TNNI3K: variants seen among roughly 807,000 people sequenced by gnomAD.
The protein encoded by TNNI3K is serine/threonine-protein kinase TNNI3K.
TNNI3K carries 140 observed loss-of-function variants against 114.5 expected under a neutral mutation model. The observed-to-expected ratio is 1.22, with a 90% confidence interval of 1.07 to 1.41. The LOEUF (loss-of-function observed/expected upper bound fraction) is 1.41. TNNI3K is among the 40% of genes most tolerant of loss of function. The pLI is 0.00. For synonymous variants in TNNI3K, 347 were observed against 347.5 expected (o/e 1.00, Z 0.02); for missense variants, 1,125 against 1,007.6 (o/e 1.12, Z -1.58).
chr1:74,249,356 A>C (rs1344117813), intron 2 of TNNI3K, 103 bp from the exon 3 acceptor site: 1 of 1,165,670 alleles, frequency 8.6e-7, no homozygotes, highest in Non-Finnish European at 1.2e-6. Flanking sequence ...GAAAAAATAC[A>C]TTTCTGAATT....
intron 22 of TNNI3K, among the ~76,000 whole-genome samples, chr1:74,491,441 T>A (rs1286770358): frequency 6.6e-6 from 1 of 152,054 alleles, no homozygotes. Context: ...ATGGTGTCGA[T>A]CTGTTGACCA....
chr1:74,488,007 A>G (rs1034167539), intron 21 of TNNI3K, among the ~76,000 whole-genome samples: 2 of 152,214 alleles, frequency 1.3e-5, no homozygotes, highest in Admixed American at 6.5e-5. Flanking sequence ...TTGGAGGACA[A>G]GCTCATTGGA....
At chr1:74,428,590 A>T (rs1164930724) in intron 17 of TNNI3K, among the ~76,000 whole-genome samples, 1 of 152,010 alleles carries the variant, frequency 6.6e-6, no homozygotes, top group East Asian at 1.9e-4. Context: ...ACATGGTAGG[A>T]GTCTGAAGTA....
chr1:74,329,288 AC>A (rs1221485240), intron 5 of TNNI3K, among the ~76,000 whole-genome samples: 1 of 152,026 alleles, frequency 6.6e-6, no homozygotes, highest in Non-Finnish European at 1.5e-5. Flanking sequence ...CCACTGATAC[AC>A]TTGTTTCTGG....
intron 22 of TNNI3K, among the ~76,000 whole-genome samples, 153 bp downstream of exon 22, chr1:74,489,401 A>G (rs1668932581): frequency 6.6e-6 from 1 of 152,184 alleles, no homozygotes; most frequent in African/African-American, 2.4e-5. Flanking sequence ...CCTATGGTGG[A>G]GCAGAATTAG....
chr1:74,451,294 T>C (rs1420988777), intron 20 of TNNI3K, among the ~76,000 whole-genome samples: 1 of 152,098 alleles, frequency 6.6e-6, no homozygotes, highest in Non-Finnish European at 1.5e-5. Context: ...TAATGCATAC[T>C]GTGCTTAATA....
chr1:74,249,547 G>C lies in TNNI3K; in HGVS notation c.235+3G>C. The stretch of plus-strand genomic sequence containing the variant: ...TCATTTATGTTGCATTTGTGGAGGT[G>C]AGTACTTGAAACTTAGTACTTCTTA... On this transcript the variant is annotated splice_donor_region_variant and intron_variant, in intron 3 of 24. Transcript: ENST00000326637. 6.2e-7 allele frequency: 1 copy of C among 1,613,168 alleles called. No individual in the cohort carries two copies. Among genetic ancestry groups the C allele is most frequent in the East Asian group, 2.2e-5 (1 of 44,790 alleles).
At chr1:74,475,116 C>CA (rs1668125578) in intron 21 of TNNI3K, among the ~76,000 whole-genome samples, 51 of 135,994 alleles carry the variant, frequency 3.8e-4, no homozygotes, top group Non-Finnish European at 6.5e-4. Context: ...CCACCTCAGC[C>CA]CACACACACA....
At position 74,539,829 on chromosome 1, in the gene TNNI3K, TATA is replaced by T. The variant is rs202232464; in HGVS notation, c.2352-395_2352-393del. ...CTATATCTTATTATCATAAAAATAA[TATA>T]ATAATAATACTTCTTGGGATGTGTT... On this transcript the variant is annotated intron_variant, in intron 23 of 24. Transcript: ENST00000326637. Among the ~76,000 whole-genome samples, 1,354 of 152,072 alleles carry T rather than the reference TATA, an allele frequency of 8.9e-3. 20 individuals carry two copies. Among genetic ancestry groups the T allele is most frequent in the African/African-American group, 0.029 (1,199 of 41,518 alleles).
chr1:74,509,747 C>CTTTTTTTT (rs68193106), intron 23 of TNNI3K, among the ~76,000 whole-genome samples: 2 of 47,810 alleles, frequency 4.2e-5, no homozygotes, highest in African/African-American at 8.5e-5. Flanking sequence ...ATCTGAATTT[C>CTTTTTTTT]TTTTTTTTTT....
At chr1:74,239,370 G>T (rs1654046672) in intron 2 of TNNI3K, among the ~76,000 whole-genome samples, 1 of 152,074 alleles carries the variant, frequency 6.6e-6, no homozygotes, top group East Asian at 1.9e-4. Context: ...AGGTAGTTGG[G>T]AAGATCAAAC....
At chr1:74,515,085 A>G (rs2100393560) in intron 23 of TNNI3K, among the ~76,000 whole-genome samples, 1 of 152,224 alleles carries the variant, frequency 6.6e-6, no homozygotes, top group South Asian at 2.1e-4. Flanking sequence ...TTTCCTCAGA[A>G]TATTCCTTCA....
chr1:74,331,120 TG>T (rs1660176730), intron 5 of TNNI3K, among the ~76,000 whole-genome samples: 1 of 152,120 alleles, frequency 6.6e-6, no homozygotes, highest in South Asian at 2.1e-4. Context: ...CATTTCTGGC[TG>T]AAGAAATAAT....
intron 21 of TNNI3K, chr1:74,464,881 T>C (rs45519032): frequency 0.058 from 76,383 of 1,312,882 alleles, 2,533 homozygotes; most frequent in Non-Finnish European, 0.065. Context: ...CATCTAAAGC[T>C]GGATGCTTAA....
At chr1:74,433,595 G>A (rs904096119) in intron 17 of TNNI3K, among the ~76,000 whole-genome samples, 1 of 152,060 alleles carries the variant, frequency 6.6e-6, no homozygotes, top group African/African-American at 2.4e-5. Flanking sequence ...CACTTTCACA[G>A]CATCCTTTTG....
At chr1:74,288,391 G>A (rs996234641) in intron 5 of TNNI3K, among the ~76,000 whole-genome samples, 1 of 151,998 alleles carries the variant, frequency 6.6e-6, no homozygotes, top group African/African-American at 2.4e-5. Flanking sequence ...TAAAGAAAAT[G>A]TGGGTATAGA....
chr1:74,396,848 G>A (rs766777173), intron 17 of TNNI3K, among the ~76,000 whole-genome samples: 7 of 152,218 alleles, frequency 4.6e-5, no homozygotes, highest in African/African-American at 1.7e-4. Flanking sequence ...TTCAGGATTA[G>A]ATCCAGAGGA....
In TNNI3K at chr1:74,391,957, A is replaced by ATTTT. The variant is rs34656417; in HGVS notation, c.1772+21588_1772+21591dup. ...TTGATTTAGGATGGTACAGCTTATT[A>ATTTT]TTTTTTTTTTTTTTTTTTTTTTTTT... On this transcript the variant is annotated intron_variant, in intron 17 of 24. Transcript: ENST00000326637. 1.5e-3 allele frequency among the ~76,000 whole-genome samples: 143 copies of ATTTT among 93,026 alleles called. 14 individuals carry two copies. Among genetic ancestry groups the ATTTT allele is most frequent in the African/African-American group, 5.0e-3 (129 of 25,686 alleles). 61.0% of individuals were successfully genotyped at this position (93,026 alleles called of 152,430 possible).
chr1:74,326,603 T>C (rs1026911623), intron 5 of TNNI3K, among the ~76,000 whole-genome samples: 1 of 152,148 alleles, frequency 6.6e-6, no homozygotes, highest in Non-Finnish European at 1.5e-5. Flanking sequence ...GGAACATAAG[T>C]TTAAAATTTT....
Sources: gnomAD v4.1 joint callset for allele counts (sites outside exome capture counted in the v4.1 genomes callset) on GRCh38, gnomAD v4.1.1 for gene constraint, MANE v1.5 for transcripts, NCBI Gene and HGNC (gene_info 2026-07-23, HGNC 2026-07-21) for gene names.